ANGPT1: variants seen among roughly 807,000 people sequenced by gnomAD.
ANGPT1 encodes angiopoietin 1, also known as angiopoietin-1.
Under a neutral mutation model 62.2 loss-of-function variants are expected in ANGPT1, and 17 were observed. The ratio of observed to expected loss-of-function variants is 0.27; its 90% CI spans 0.19 to 0.41. ANGPT1 has a LOEUF of 0.41. ANGPT1 is among the 10% of genes least tolerant of loss of function. The probability of loss-of-function intolerance (pLI) is 1.00; values close to 1 mark genes in which losing one functional copy is unlikely to be tolerated. For missense variants in ANGPT1, 478 were observed against 594.9 expected (o/e 0.80, Z 2.04); for synonymous variants, 199 against 198.9 (o/e 1.00, Z 0.00).
At position 107,249,787 on chromosome 8, in the gene ANGPT1, T is replaced by A. The variant is rs1284686527; in HGVS notation, c.*2068A>T. On this transcript the variant is annotated 3_prime_UTR_variant, in exon 9 of 9. Transcript: ENST00000517746. Reference sequence around the variant, plus strand: ...TTTCTTTTTTTATTATTTTATTTTGTTTTTGTAATATGAGTTTGGAAATAG... The same window carrying A: ...TTTCTTTTTTTATTATTTTATTTTGATTTTGTAATATGAGTTTGGAAATAG... The A allele has an allele frequency of 6.6e-6, 1 of 152,178 alleles. No individual in the cohort carries two copies. The highest frequency in any genetic ancestry group is 1.9e-4 in the East Asian group (1 of 5,192). The allele number at this position is 152,178 out of a possible 1,614,324, so 9.4% of individuals were successfully genotyped here. A position where few individuals can be genotyped will look rare whatever the true frequency, so the allele number is the denominator to read the frequency against.
chr8:107,421,623 T>A (rs554163351), intron 1 of ANGPT1, among the ~76,000 whole-genome samples: 1 of 152,288 alleles, frequency 6.6e-6, no homozygotes, highest in African/African-American at 2.4e-5. Flanking sequence ...TTAGCATCTG[T>A]CAATATCAGG....
chr8:107,430,130 A>G (rs28752126), intron 1 of ANGPT1, among the ~76,000 whole-genome samples: 2,833 of 152,308 alleles, frequency 0.019, 73 homozygotes, highest in African/African-American at 0.063. Flanking sequence ...ATTTTTAACT[A>G]ATTAGTATAC....
intron 6 of ANGPT1, among the ~76,000 whole-genome samples, chr8:107,286,544 C>A (rs949753377): frequency 6.6e-6 from 1 of 151,790 alleles, no homozygotes; most frequent in African/African-American, 2.4e-5. Context: ...CTTTGGCCCT[C>A]GTTTTATTTT....
At chr8:107,257,199 C>T (rs75372091) in intron 8 of ANGPT1, among the ~76,000 whole-genome samples, 2,604 of 152,230 alleles carry the variant, frequency 0.017, 35 homozygotes, top group African/African-American at 0.024. Flanking sequence ...GATGTACTTT[C>T]GAAGCATTTT....
At chr8:107,264,463 C>G in intron 7 of ANGPT1, 112 bp from the exon 8 acceptor site, 1 of 1,335,130 alleles carries the variant, frequency 7.5e-7, no homozygotes, top group Non-Finnish European at 1.0e-6. Flanking sequence ...TTTCTTTGAA[C>G]TCAGCCCTTC....
At chr8:107,439,488 A>G (rs1351703415) in intron 1 of ANGPT1, among the ~76,000 whole-genome samples, 2 of 152,212 alleles carry the variant, frequency 1.3e-5, no homozygotes, top group Admixed American at 1.3e-4. Context: ...ATCTATATTT[A>G]TGGCTGTCAG....
chr8:107,433,090 C>T (rs1268942348), intron 1 of ANGPT1, among the ~76,000 whole-genome samples: 3 of 151,922 alleles, frequency 2.0e-5, no homozygotes, highest in Admixed American at 1.3e-4. Flanking sequence ...TTGTAAAAGA[C>T]TTTTTAAGCA....
Position 107,336,285 on chromosome 8 carries a change from A to G in ANGPT1, c.454-14T>C. 2 of 1,572,696 alleles carry G rather than the reference A, an allele frequency of 1.3e-6. No individual in the cohort carries two copies. The highest frequency in any genetic ancestry group is 1.7e-6 in the Non-Finnish European group (2 of 1,167,498). On this transcript the variant is annotated splice_polypyrimidine_tract_variant and intron_variant, in intron 2 of 8. Transcript: ENST00000517746. ...TTGATTTAGTACCTTAAGATAAAAG[A>G]TGAAAATATTTCAAACTTCAGTCAC... is the stretch of plus-strand genomic sequence containing the variant.
At chr8:107,412,136 A>T (rs1000837127) in intron 1 of ANGPT1, among the ~76,000 whole-genome samples, 2 of 152,166 alleles carry the variant, frequency 1.3e-5, no homozygotes, top group Non-Finnish European at 2.9e-5. Context: ...AAAATAGCCC[A>T]AGATTGAGAA....
At chr8:107,339,082 A>C (rs73701099) in intron 2 of ANGPT1, among the ~76,000 whole-genome samples, 56 of 152,348 alleles carry the variant, frequency 3.7e-4, no homozygotes, top group African/African-American at 1.3e-3. Flanking sequence ...CTCCATGTCC[A>C]TTGAGAACAA....
intron 1 of ANGPT1, among the ~76,000 whole-genome samples, chr8:107,483,231 C>T (rs747636366): frequency 1.3e-5 from 2 of 152,092 alleles, no homozygotes; most frequent in African/African-American, 2.4e-5. Context: ...GATTTGTGAA[C>T]TCAAAGTATG....
intron 1 of ANGPT1, among the ~76,000 whole-genome samples, chr8:107,457,278 A>G (rs1424765905): frequency 6.6e-6 from 1 of 152,120 alleles, no homozygotes; most frequent in Non-Finnish European, 1.5e-5. Context: ...TGGCAGAGCA[A>G]AATAATTAGC....
chr8:107,273,612 T>C (rs944825914), intron 7 of ANGPT1, among the ~76,000 whole-genome samples: 12 of 152,012 alleles, frequency 7.9e-5, no homozygotes, highest in Admixed American at 6.6e-4. Flanking sequence ...ACATTGCTCC[T>C]CTGGCTGGGA....
At chr8:107,423,076 C>T (rs1365540541) in intron 1 of ANGPT1, among the ~76,000 whole-genome samples, 3 of 152,126 alleles carry the variant, frequency 2.0e-5, no homozygotes, top group Non-Finnish European at 2.9e-5. Context: ...CCGCTCATAC[C>T]TTTAAGAGCT....
chr8:107,484,356 G>C (rs1180495101), intron 1 of ANGPT1, among the ~76,000 whole-genome samples: 1 of 152,088 alleles, frequency 6.6e-6, no homozygotes, highest in Non-Finnish European at 1.5e-5. Context: ...TGATGACACT[G>C]TTTACCAAGG....
chr8:107,252,305 G>A (rs1269695529), intron 8 of ANGPT1, among the ~76,000 whole-genome samples: 7 of 152,112 alleles, frequency 4.6e-5, no homozygotes, highest in Non-Finnish European at 1.0e-4. Flanking sequence ...AAGCCTCTGG[G>A]CTTCAAGATA....
intron 7 of ANGPT1, among the ~76,000 whole-genome samples, chr8:107,281,653 C>T (rs760598959): frequency 1.3e-5 from 2 of 152,098 alleles, no homozygotes; most frequent in Non-Finnish European, 2.9e-5. Context: ...TGGCAGGCAC[C>T]TGTAGTCCCA....
intron 1 of ANGPT1, among the ~76,000 whole-genome samples, chr8:107,477,837 G>A (rs1026657013): frequency 2.6e-5 from 4 of 151,894 alleles, no homozygotes; most frequent in South Asian, 2.1e-4. Context: ...GGACTACCCC[G>A]ACCCAATTTC....
chr8:107,379,407 A>G (rs373303514), intron 1 of ANGPT1, among the ~76,000 whole-genome samples: 35 of 152,236 alleles, frequency 2.3e-4, no homozygotes, highest in African/African-American at 7.0e-4. Context: ...ATAAATTACA[A>G]TTTTGAAAGT....
Sources: allele counts gnomAD v4.1 joint callset (sites outside exome capture counted in the v4.1 genomes callset), GRCh38; gene constraint gnomAD v4.1.1; transcripts MANE v1.5; gene names NCBI Gene and HGNC (gene_info 2026-07-23, HGNC 2026-07-21).